The following CBLC variants were observed in gnomAD, a reference collection of about 807,000 sequenced individuals.
CBLC encodes the protein Cbl proto-oncogene C, also known as E3 ubiquitin-protein ligase CBL-C.
A neutral mutation model predicts 58.6 loss-of-function variants in CBLC; 46 were observed. That is an observed-to-expected ratio of 0.79 (90% CI 0.62 to 1.00). CBLC has a LOEUF of 1.00. Among genes scored for constraint, CBLC ranks in the 50% least tolerant of loss-of-function variants. The probability of loss-of-function intolerance (pLI) is 0.00; values close to 1 mark genes in which losing one functional copy is unlikely to be tolerated. For missense variants in CBLC, 655 were observed against 625.8 expected (o/e 1.05, Z -0.50); for synonymous variants, 271 against 264.2 (o/e 1.03, Z -0.25).
intron 4 of CBLC, among the ~76,000 whole-genome samples, chr19:44,783,778 G>C (rs1264992238): frequency 6.6e-6 from 1 of 152,174 alleles, no homozygotes; most frequent in Admixed American, 6.6e-5. Flanking sequence ...ATCAGTTCCT[G>C]TTCATCCCCT....
rs1196319108 is a variant in CBLC, at chr19:44,778,256, G to A, written c.325G>A (p.Glu109Lys). 1.4e-6 allele frequency: 2 copies of A among 1,447,432 alleles called. No individual in the cohort carries two copies. Among genetic ancestry groups the A allele is most frequent in the East Asian group, 2.6e-5 (1 of 38,646 alleles). The allele number at this position is 1,447,432 out of a possible 1,614,324, so 89.7% of individuals were successfully genotyped here. Residue 109 changes from glutamate to lysine, a missense_variant, in exon 1 of 11, where the codon GAG becomes AAG. This residue lies in a region of CBLC where 280 missense variants were observed against 237.2 expected (regional missense o/e 1.18). Transcript: ENST00000647358. ...CCGGGGCCGAAGGAGTGCCAACGAC[G>A]AGCTCTTCCGGGCGGGCTCCAGACT... is the stretch of plus-strand genomic sequence containing the variant. Reference protein sequence around the residue: ...PPRGRRSANDELFRAGSRLRR... With the variant: ...PPRGRRSANDKLFRAGSRLRR...
At chr19:44,796,378 CTTTG>C (rs947401556) in intron 9 of CBLC, among the ~76,000 whole-genome samples, 5 of 152,134 alleles carry the variant, frequency 3.3e-5, no homozygotes, top group East Asian at 1.9e-4. Context: ...TTTGTTGTTT[CTTTG>C]TTTGTTTGTT....
chr19:44,796,860 G>A (rs1228777670), intron 9 of CBLC, among the ~76,000 whole-genome samples: 1 of 152,054 alleles, frequency 6.6e-6, no homozygotes, highest in Non-Finnish European at 1.5e-5. Context: ...AGGAAGTCCG[G>A]GAACATTATT....
intron 9 of CBLC, among the ~76,000 whole-genome samples, chr19:44,797,564 C>G (rs1968203191): frequency 1.4e-5 from 2 of 143,286 alleles, no homozygotes; most frequent in Non-Finnish European, 3.0e-5. Context: ...TTGCTATGTG[C>G]CTGGCATTGC....
At chr19:44,798,738 AAAAGAAAG>A (rs879476526) in intron 9 of CBLC, among the ~76,000 whole-genome samples, 1 of 151,880 alleles carries the variant, frequency 6.6e-6, no homozygotes, top group Admixed American at 6.6e-5. Context: ...CTCCGTCTCA[AAAAGAAAG>A]AAAGAAAGAA....
Position 44,784,344 on chromosome 19 carries a change from C to T in CBLC, c.860C>T (p.Thr287Ile), listed in dbSNP as rs1251878645. The T allele has an allele frequency of 6.2e-7, 1 of 1,602,084 alleles. No individual in the cohort carries two copies. The highest frequency in any genetic ancestry group is 8.5e-7 in the Non-Finnish European group (1 of 1,170,484). The change falls in exon 5 of 11, where the codon ACC becomes ATC. Residue 287 changes from threonine (T) to isoleucine (I), a missense_variant. Around this residue, in one of 3 missense-constraint regions of CBLC, gnomAD observed 371 missense variants for 370.8 expected, o/e 1.00. Transcript: ENST00000647358. ...YVSSDGSILQ[T>I]IPANKPLSQV... ...AGCTCAGATGGCAGCATCCTGCAGA[C>T]CATCCCTGCCAACAAACCCCTGTCC...
chr19:44,779,553 C>CTTTTTTTTT (rs774514447), intron 1 of CBLC, among the ~76,000 whole-genome samples: 2,998 of 136,594 alleles, frequency 0.022, 90 homozygotes, highest in African/African-American at 0.076. Flanking sequence ...TGTAGTGTCT[C>CTTTTTTTTT]TTTTTTTTTT....
intron 3 of CBLC, 33 bp from the exon 4 acceptor site, chr19:44,782,337 T>C (rs768503313): frequency 1.2e-6 from 2 of 1,612,498 alleles, no homozygotes; most frequent in Admixed American, 3.3e-5. Flanking sequence ...GCTTCCCTGG[T>C]CGCTCCCTGA....
intron 4 of CBLC, among the ~76,000 whole-genome samples, chr19:44,783,090 G>A (rs1420018832): frequency 6.6e-6 from 1 of 152,186 alleles, no homozygotes; most frequent in East Asian, 1.9e-4. Flanking sequence ...AAAAGGCCAG[G>A]CCCCGCACAG....
intron 5 of CBLC, among the ~76,000 whole-genome samples, chr19:44,788,479 CTTT>C (rs1293573931): frequency 1.7e-5 from 2 of 118,566 alleles, no homozygotes; most frequent in Non-Finnish European, 3.6e-5. Context: ...TTTAAAATTT[CTTT>C]TTTTTTTTTT....
rs1389120945 is a variant in CBLC, at chr19:44,778,063, G to T, written c.132G>T (p.Leu44=). ...GGCTGTCCGTGAGTCCCCCTTCGCT[G>T]CGGGACCTGCTGCCCCGCACAGCGC... The part of the protein sequence containing the change: ...DPRLSVSPPS[L]RDLLPRTAQL... The change falls in exon 1 of 11, where the codon CTG becomes CTT. Residue 44 remains leucine, a synonymous_variant. Transcript: ENST00000647358. 2.5e-6 allele frequency: 4 copies of T among 1,608,742 alleles called. No individual in the cohort carries two copies. The highest frequency in any genetic ancestry group is 3.4e-6 in the Non-Finnish European group (4 of 1,179,640).
At chr19:44,794,175 C>T (rs1191701389) in intron 8 of CBLC, 29 bp from the exon 9 acceptor site, 2 of 1,592,036 alleles carry the variant, frequency 1.3e-6, no homozygotes, top group Non-Finnish European at 1.7e-6. Flanking sequence ...AGCTCACAAG[C>T]CCCTTCTCCT....
rs10405573 is a variant in CBLC at position 44,793,077 on chromosome 19, G to C, written c.1138-397G>C. Among the ~76,000 whole-genome samples the C allele has an allele frequency of 3.3e-3, 498 of 152,292 alleles. 2 individuals carry two copies. The highest frequency in any genetic ancestry group is 0.012 in the African/African-American group (481 of 41,562). On this transcript the variant is annotated intron_variant, in intron 7 of 10. Coordinates refer to ENST00000647358, the MANE Select transcript of CBLC (RefSeq NM_012116.4). The stretch of plus-strand genomic sequence containing the variant: ...TGAGGCATGAGAATCACTTGAACCT[G>C]GGAGGCAGAGGTTGCAGTGAGCAGA...
At chr19:44,793,242 C>G (rs1002862797) in intron 7 of CBLC, among the ~76,000 whole-genome samples, 5 of 152,300 alleles carry the variant, frequency 3.3e-5, no homozygotes, top group Non-Finnish European at 4.4e-5. Flanking sequence ...ATGGGGATCC[C>G]TGGCCTGTGT....
chr19:44,795,991 G>A (rs571445814), intron 9 of CBLC, among the ~76,000 whole-genome samples: 12 of 152,268 alleles, frequency 7.9e-5, no homozygotes, highest in Admixed American at 3.9e-4. Context: ...TGAGGCAGGT[G>A]GATCACTGAG....
At position 44,780,613 on chromosome 19, in the gene CBLC, T is replaced by C. The variant is rs530836351; in HGVS notation, c.354-292T>C. 1.5e-3 allele frequency among the ~76,000 whole-genome samples: 222 copies of C among 151,092 alleles called. 1 individual carries two copies. Among genetic ancestry groups the C allele is most frequent in the East Asian group, 0.013 (66 of 5,092 alleles). On this transcript the variant is annotated intron_variant, in intron 1 of 10. Coordinates refer to ENST00000647358, the MANE Select transcript of CBLC (RefSeq NM_012116.4). ...TCAGCCTCCTGAGTAGCTGGGATTATAGGCGGGCGCCACCACGCCAGGCTA... is the reference window on the plus strand; with the variant it reads ...TCAGCCTCCTGAGTAGCTGGGATTACAGGCGGGCGCCACCACGCCAGGCTA...
chr19:44,787,261 G>T (rs1967932941), intron 5 of CBLC, among the ~76,000 whole-genome samples: 1 of 151,816 alleles, frequency 6.6e-6, no homozygotes, highest in African/African-American at 2.4e-5. Flanking sequence ...GGGCGCAGTG[G>T]CGGGCGTCTG....
intron 4 of CBLC, among the ~76,000 whole-genome samples, chr19:44,783,188 T>C (rs1338166620): frequency 6.6e-6 from 1 of 151,988 alleles, no homozygotes; most frequent in East Asian, 1.9e-4. Flanking sequence ...CTGGCCAACA[T>C]GGTGAAACCT....
At position 44,793,474 on chromosome 19, in the gene CBLC, C is replaced by G; in HGVS notation, c.1138C>G (p.His380Asp). 6.2e-7 allele frequency: 1 copy of G among 1,605,998 alleles called. No individual in the cohort carries two copies. The highest frequency in any genetic ancestry group is 8.5e-7 in the Non-Finnish European group (1 of 1,176,758). ...LCSCCLAAWQ[H>D]SDSQTCPFCR... The stretch of plus-strand genomic sequence containing the variant: ...CCCTTTCCCTCCCGACCTCCCCCAG[C>G]ACTCGGACAGCCAGACCTGCCCCTT... The change falls in exon 8 of 11, where the codon CAC becomes GAC. Residue 380 changes from histidine (H) to aspartate (D), a missense_variant and splice_region_variant. His to Asp is a moderately conservative substitution (Grantham distance 81, BLOSUM62 -1). This residue lies in a region of CBLC where 371 missense variants were observed against 370.8 expected (regional missense o/e 1.00). Transcript: ENST00000647358.
Sources: allele counts gnomAD v4.1 joint callset (sites outside exome capture counted in the v4.1 genomes callset), GRCh38; gene constraint gnomAD v4.1.1; regional missense constraint gnomAD v4.1.1; transcripts MANE v1.5; gene names NCBI Gene and HGNC (gene_info 2026-07-23, HGNC 2026-07-21).